The following ANO10 variants were observed in gnomAD, a reference collection of about 807,000 sequenced individuals.
ANO10 encodes anoctamin-10.
ANO10 carries 77 observed loss-of-function variants against 74.7 expected under a neutral mutation model. That is an observed-to-expected ratio of 1.03 (90% CI 0.86 to 1.25). The LOEUF is 1.25. Among genes scored for constraint, ANO10 ranks in the 50% most tolerant of loss-of-function variants. The pLI is 0.00. For missense variants in ANO10, 721 were observed against 778.1 expected (o/e 0.93, Z 0.87); for synonymous variants, 279 against 284.9 (o/e 0.98, Z 0.21).
chr3:43,683,823 A>G (rs2149583461), intron 1 of ANO10, among the ~76,000 whole-genome samples: 1 of 152,324 alleles, frequency 6.6e-6, no homozygotes, highest in East Asian at 1.9e-4. Flanking sequence ...AAAACAAGAA[A>G]TGGGGAAAGG....
chr3:43,404,796 T>C (rs1294334521), intron 12 of ANO10, among the ~76,000 whole-genome samples: 1 of 144,286 alleles, frequency 6.9e-6, no homozygotes, highest in East Asian at 2.1e-4. Context: ...AGATGGAAGA[T>C]CATTTGAGCC....
At chr3:43,483,124 G>GCT (rs1326449654) in intron 11 of ANO10, among the ~76,000 whole-genome samples, 3 of 152,198 alleles carry the variant, frequency 2.0e-5, no homozygotes, top group African/African-American at 7.2e-5. Context: ...GGACATGGAT[G>GCT]GATGGTCAGC....
At chr3:43,503,382 G>C (rs527365054) in intron 11 of ANO10, among the ~76,000 whole-genome samples, 1 of 152,144 alleles carries the variant, frequency 6.6e-6, no homozygotes, top group African/African-American at 2.4e-5. Context: ...TTTCTTATTG[G>C]GAAACCCAAG....
chr3:43,387,955 T>TTTAC (rs141628744), intron 12 of ANO10, among the ~76,000 whole-genome samples: 1 of 58,874 alleles, frequency 1.7e-5, no homozygotes, highest in African/African-American at 6.3e-5. Context: ...TTCCAATTTC[T>TTTAC]TTTTTTCCTG....
intron 1 of ANO10, among the ~76,000 whole-genome samples, chr3:43,651,276 T>C (rs566702986): frequency 6.8e-6 from 1 of 148,008 alleles, no homozygotes; most frequent in South Asian, 2.1e-4. Flanking sequence ...AAGCTTTTAA[T>C]AGTGTACAGA....
intron 11 of ANO10, among the ~76,000 whole-genome samples, chr3:43,516,685 G>A (rs1220545341): frequency 1.3e-5 from 2 of 152,218 alleles, no homozygotes; most frequent in African/African-American, 4.8e-5. Flanking sequence ...GTGGCCTGGT[G>A]CAAGGCTGAT....
chr3:43,649,370 A>G lies in ANO10; in HGVS notation c.-12+42147T>C, dbSNP rs977750059. Among the ~76,000 whole-genome samples, 11 of 152,352 alleles carry G rather than the reference A, an allele frequency of 7.2e-5. No individual in the cohort carries two copies. In the South Asian group the frequency reaches 1.7e-3, roughly 23 times the overall value. On this transcript the variant is annotated intron_variant, in intron 1 of 3. Transcript: ENST00000413397. The stretch of plus-strand genomic sequence containing the variant: ...TGTAGCCTTAAAAACATTAAATAAC[A>G]TATACTGATTATAGCTGCTTTTGTT...
chr3:43,488,968 C>T (rs1347192129), intron 11 of ANO10, among the ~76,000 whole-genome samples: 1 of 151,200 alleles, frequency 6.6e-6, no homozygotes, highest in East Asian at 1.9e-4. Context: ...GGCACATATA[C>T]ACCATGGAAT....
intron 11 of ANO10, among the ~76,000 whole-genome samples, chr3:43,436,210 T>C (rs1385617710): frequency 2.0e-5 from 3 of 152,300 alleles, no homozygotes; most frequent in East Asian, 3.9e-4. Context: ...GGCTGGGAAC[T>C]GCTTTATGCT....
chr3:43,428,153 G>A (rs960842236), intron 12 of ANO10, among the ~76,000 whole-genome samples: 2 of 151,956 alleles, frequency 1.3e-5, no homozygotes, highest in Non-Finnish European at 2.9e-5. Flanking sequence ...AGATTCAAGC[G>A]ATTCTCGTGC....
At chr3:43,510,362 C>T (rs1434082824) in intron 11 of ANO10, among the ~76,000 whole-genome samples, 2 of 146,340 alleles carry the variant, frequency 1.4e-5, no homozygotes, top group Non-Finnish European at 3.0e-5. Context: ...ACCCAGGAGG[C>T]AGAAGTTGCA....
chr3:43,679,499 A>G (rs1471779940), intron 1 of ANO10, among the ~76,000 whole-genome samples: 1 of 152,124 alleles, frequency 6.6e-6, no homozygotes, highest in East Asian at 1.9e-4. Flanking sequence ...GCCTCTGTAG[A>G]CTCCACCTCT....
At chr3:43,596,811 T>C (rs1046894966) in intron 4 of ANO10, among the ~76,000 whole-genome samples, 1 of 152,110 alleles carries the variant, frequency 6.6e-6, no homozygotes, top group Non-Finnish European at 1.5e-5. Context: ...GAAATTACCA[T>C]CAGAGTGAAC....
rs532640574 is a variant in ANO10 at position 43,678,197 on chromosome 3, T to G, written c.-12+13320A>C. On this transcript the variant is annotated intron_variant, in intron 1 of 3. Coordinates refer to the ANO10 transcript ENST00000413397. ...CAAGGTCTATTTTATAATAAAGTCT[T>G]AAATATTTCATGCCATCTATTGAAT... Among the ~76,000 whole-genome samples the G allele has an allele frequency of 5.9e-5, 9 of 152,302 alleles. No individual in the cohort carries two copies. In the South Asian group the frequency reaches 1.7e-3, roughly 28 times the overall value.
At chr3:43,531,849 T>C (rs2078482407) in intron 11 of ANO10, among the ~76,000 whole-genome samples, 1 of 150,902 alleles carries the variant, frequency 6.6e-6, no homozygotes, top group Non-Finnish European at 1.5e-5. Flanking sequence ...GAGCCGAGAT[T>C]GGGCCATCGG....
At chr3:43,528,958 C>CA (rs539984971) in intron 11 of ANO10, among the ~76,000 whole-genome samples, 234 of 151,186 alleles carry the variant, frequency 1.5e-3, no homozygotes, top group Middle Eastern at 3.4e-3. Flanking sequence ...GATCCTGTCT[C>CA]AAAAAAAACC....
At chr3:43,499,642 T>C (rs1030084883) in intron 11 of ANO10, among the ~76,000 whole-genome samples, 4 of 151,754 alleles carry the variant, frequency 2.6e-5, no homozygotes, top group Admixed American at 1.3e-4. Context: ...AGACACACCA[T>C]TCTCCCATAT....
intron 11 of ANO10, among the ~76,000 whole-genome samples, chr3:43,484,526 G>A (rs1348916393): frequency 2.0e-5 from 3 of 152,116 alleles, no homozygotes; most frequent in Admixed American, 6.5e-5. Flanking sequence ...TATTTTTGGG[G>A]TAAAATATTT....
intron 4 of ANO10, among the ~76,000 whole-genome samples, chr3:43,593,485 C>G (rs2081913187): frequency 6.6e-6 from 1 of 152,162 alleles, no homozygotes; most frequent in African/African-American, 2.4e-5. Context: ...ATTTTCAACC[C>G]AGAATTTCAT....
Sources: gnomAD v4.1 joint callset for allele counts (sites outside exome capture counted in the v4.1 genomes callset) on GRCh38, gnomAD v4.1.1 for gene constraint, MANE v1.5 for transcripts, NCBI Gene and HGNC (gene_info 2026-07-23, HGNC 2026-07-21) for gene names.